GRHL2: variants seen among roughly 807,000 people sequenced by gnomAD.
GRHL2 encodes the protein grainyhead-like protein 2 homolog.
Under a neutral mutation model 83.8 loss-of-function variants are expected in GRHL2, and 21 were observed. The ratio of observed to expected loss-of-function variants is 0.25; its 90% CI spans 0.18 to 0.36. GRHL2 has a LOEUF of 0.36. Ranked by LOEUF, GRHL2 falls within the 10% of genes least tolerant of loss-of-function variation. GRHL2 has a pLI of 1.00. For missense variants in GRHL2, 623 were observed against 781.8 expected, an observed-to-expected ratio of 0.80 and a Z score of 2.42; for synonymous variants, 280 against 278.9, an observed-to-expected ratio of 1.00 and a Z score of -0.04.
chr8:101,493,993 C>T (rs1048072048), intron 1 of GRHL2, among the ~76,000 whole-genome samples: 4 of 152,148 alleles, frequency 2.6e-5, no homozygotes, highest in Non-Finnish European at 5.9e-5. Context: ...GGGGACACTC[C>T]CTTCCCCCTC....
chr8:101,497,452 A>G (rs1810130866), intron 1 of GRHL2, among the ~76,000 whole-genome samples: 1 of 152,218 alleles, frequency 6.6e-6, no homozygotes, highest in South Asian at 2.1e-4. Flanking sequence ...TGAGTTTCCC[A>G]TTTTCAATGA....
intron 3 of GRHL2, among the ~76,000 whole-genome samples, chr8:101,555,059 A>G (rs1811462730): frequency 6.6e-6 from 1 of 152,242 alleles, no homozygotes; most frequent in Admixed American, 6.5e-5. Flanking sequence ...AATCCAAAAA[A>G]TATTTTGACT....
rs376505205 is a variant in GRHL2 at position 101,543,444 on chromosome 8, C to T, written c.216+8C>T. The stretch of plus-strand genomic sequence containing the variant: ...CTCTATGACTACTACAAGGTAGGTC[C>T]CCAGCCTCCACTTTTCTCTTCTTCC... On this transcript the variant is annotated splice_region_variant and intron_variant, in intron 2 of 15. Transcript: ENST00000646743. The T allele has an allele frequency of 1.5e-5, 24 of 1,613,200 alleles. No individual in the cohort carries two copies. The African/African-American group carries it at 2.0e-4, about 13-fold the overall frequency.
intron 1 of GRHL2, among the ~76,000 whole-genome samples, chr8:101,496,349 A>C (rs1030142649): frequency 2.6e-5 from 4 of 152,072 alleles, no homozygotes; most frequent in African/African-American, 7.2e-5. Context: ...TAAACTCTCT[A>C]GTCTTTAGTT....
chr8:101,677,437 C>T, the GRHL2 span, among the ~76,000 whole-genome samples: 1 of 152,034 alleles, frequency 6.6e-6, no homozygotes, highest in East Asian at 1.9e-4. Flanking sequence ...CCACGCCTAC[C>T]TCCAAGATTG....
At chr8:101,660,954 T>TTTTC (rs1442570893) in intron 14 of GRHL2, among the ~76,000 whole-genome samples, 1 of 152,184 alleles carries the variant, frequency 6.6e-6, no homozygotes, top group Non-Finnish European at 1.5e-5. Flanking sequence ...ACAATTAGAT[T>TTTTC]TTTCTTTGTC....
intron 3 of GRHL2, among the ~76,000 whole-genome samples, chr8:101,555,594 G>C: frequency 6.6e-6 from 1 of 152,062 alleles, no homozygotes; most frequent in South Asian, 2.1e-4. Flanking sequence ...CCTCCAACTA[G>C]CTGGATTCAG....
intron 7 of GRHL2, among the ~76,000 whole-genome samples, chr8:101,582,173 G>A (rs900022264): frequency 1.3e-5 from 2 of 148,510 alleles, no homozygotes; most frequent in African/African-American, 4.9e-5. Context: ...AGGAGGTGGA[G>A]GTTTCAGTGA....
intron 14 of GRHL2, among the ~76,000 whole-genome samples, chr8:101,659,431 A>C (rs1237622176): frequency 2.0e-5 from 3 of 152,204 alleles, no homozygotes; most frequent in Non-Finnish European, 4.4e-5. Flanking sequence ...TGCTGAGGAA[A>C]TGGCAGCTCT....
chr8:101,570,371 G>C lies in GRHL2; in HGVS notation c.711G>C (p.Glu237Asp). 6.2e-7 allele frequency: 1 copy of C among 1,613,920 alleles called. No homozygotes were observed. Among genetic ancestry groups the C allele is most frequent in the Non-Finnish European group, 8.5e-7 (1 of 1,179,836 alleles). ...KFRSASVGAE[E>D]YMYDQTSSGT... ...GGAGTGCTTCAGTTGGGGCTGAGGA[G>C]TACATGTATGATCAGACATCAAGGT... is the stretch of plus-strand genomic sequence containing the variant. Residue 237 changes from glutamate (E) to aspartate (D), a missense_variant, in exon 5 of 16, where the codon GAG becomes GAC. By Grantham distance (45) the Glu-to-Asp change is conservative (BLOSUM62 2). Transcript: ENST00000646743.
intron 4 of GRHL2, among the ~76,000 whole-genome samples, chr8:101,560,811 G>C (rs78665648): frequency 0.026 from 3,887 of 152,200 alleles, 71 homozygotes; most frequent in Non-Finnish European, 0.042. Context: ...TTTGTGAAGT[G>C]TCTATTCAAA....
intron 1 of GRHL2, among the ~76,000 whole-genome samples, chr8:101,510,624 AAT>A (rs758728363): frequency 9.2e-5 from 14 of 152,296 alleles, no homozygotes; most frequent in South Asian, 2.1e-4. Context: ...AATATTAAAA[AAT>A]ATATGTTATT....
chr8:101,577,089 G>A (rs1023211650), intron 6 of GRHL2, among the ~76,000 whole-genome samples: 10 of 152,114 alleles, frequency 6.6e-5, no homozygotes, highest in African/African-American at 2.4e-4. Context: ...AAAATTTGGG[G>A]GGGGTTTCTG....
At chr8:101,574,702 G>A (rs752713500) in intron 6 of GRHL2, among the ~76,000 whole-genome samples, 9 of 152,246 alleles carry the variant, frequency 5.9e-5, no homozygotes, top group South Asian at 2.1e-4. Flanking sequence ...ACTGCAGTGA[G>A]AAAGCTGCTG....
chr8:101,624,845 G>A (rs1382560128), intron 9 of GRHL2, among the ~76,000 whole-genome samples: 2 of 152,114 alleles, frequency 1.3e-5, no homozygotes, highest in African/African-American at 4.8e-5. Flanking sequence ...CACACAGTGG[G>A]AATGCAGAGT....
chr8:101,534,186 C>A (rs1810994461), intron 1 of GRHL2, among the ~76,000 whole-genome samples: 1 of 152,302 alleles, frequency 6.6e-6, no homozygotes, highest in African/African-American at 2.4e-5. Context: ...TGATCTCATG[C>A]ACTTTCTGAG....
intron 1 of GRHL2, among the ~76,000 whole-genome samples, chr8:101,498,757 G>A (rs1810160392): frequency 6.6e-6 from 1 of 152,114 alleles, no homozygotes; most frequent in South Asian, 2.1e-4. Flanking sequence ...CTAGGCTCAG[G>A]AAAGTAAAAG....
At chr8:101,549,270 T>TA (rs1314448455) in intron 2 of GRHL2, among the ~76,000 whole-genome samples, 4 of 152,148 alleles carry the variant, frequency 2.6e-5, no homozygotes, top group Non-Finnish European at 5.9e-5. Context: ...AGGGGCTGCC[T>TA]ACATTGAGAT....
intron 3 of GRHL2, among the ~76,000 whole-genome samples, chr8:101,558,090 A>T (rs1290508738): frequency 6.6e-6 from 1 of 151,946 alleles, no homozygotes; most frequent in Non-Finnish European, 1.5e-5. Flanking sequence ...CTGGTCTTGA[A>T]CTGACCTCAG....
Sources: allele counts gnomAD v4.1 joint callset (sites outside exome capture counted in the v4.1 genomes callset), GRCh38; gene constraint gnomAD v4.1.1; transcripts MANE v1.5; gene names NCBI Gene and HGNC (gene_info 2026-07-23, HGNC 2026-07-21).